EVC2: variants seen among roughly 807,000 people sequenced by gnomAD.
The protein encoded by EVC2 is limbin.
In EVC2, 148 loss-of-function variants were observed where a neutral mutation model predicts 149.3. That is an observed-to-expected ratio of 0.99 (90% CI 0.87 to 1.14). The LOEUF (loss-of-function observed/expected upper bound fraction) is 1.14. Among genes scored for constraint, EVC2 ranks in the 50% most tolerant of loss-of-function variants. The pLI is 0.00. For synonymous variants in EVC2, 776 were observed against 649.9 expected, an observed-to-expected ratio of 1.19 and a Z score of -2.95; for missense variants, 1,854 against 1,627.3, an observed-to-expected ratio of 1.14 and a Z score of -2.40.
chr4:5,603,009 A>G (rs746375459), intron 16 of EVC2, among the ~76,000 whole-genome samples: 4 of 152,190 alleles, frequency 2.6e-5, no homozygotes, highest in African/African-American at 9.7e-5. Context: ...GAAGCCTTGT[A>G]GAATTATTTG....
intron 16 of EVC2, among the ~76,000 whole-genome samples, chr4:5,604,393 C>T (rs1012176092): frequency 6.6e-6 from 1 of 152,168 alleles, no homozygotes; most frequent in African/African-American, 2.4e-5. Context: ...TTTCCACTCA[C>T]ACGTGGATTT....
At chr4:5,705,264 G>C (rs1305814974) in intron 1 of EVC2, among the ~76,000 whole-genome samples, 1 of 152,188 alleles carries the variant, frequency 6.6e-6, no homozygotes, top group Non-Finnish European at 1.5e-5. Context: ...TTCTGAAATA[G>C]ACACTTATCT....
chr4:5,647,673 T>C (rs1324881009), intron 9 of EVC2, among the ~76,000 whole-genome samples: 1 of 152,190 alleles, frequency 6.6e-6, no homozygotes, highest in Non-Finnish European at 1.5e-5. Flanking sequence ...ACAGAATGGA[T>C]TTCACATCTT....
chr4:5,550,800 A>G (rs761532673), intron 21 of EVC2, among the ~76,000 whole-genome samples: 20 of 152,220 alleles, frequency 1.3e-4, no homozygotes, highest in Non-Finnish European at 2.2e-4. Context: ...GGCCTGGCCC[A>G]CGGTCCCCAT....
intron 21 of EVC2, among the ~76,000 whole-genome samples, chr4:5,546,073 G>A (rs1311147791): frequency 6.6e-6 from 1 of 152,178 alleles, no homozygotes; most frequent in Non-Finnish European, 1.5e-5. Flanking sequence ...AACAGGTGCT[G>A]GAGAGGATGT....
Position 5,618,612 on chromosome 4 carries a change from A to T in EVC2, c.2572T>A (p.Cys858Ser), listed in dbSNP as rs746466937. 6.2e-7 allele frequency: 1 copy of T among 1,613,602 alleles called. No homozygotes were observed. Among genetic ancestry groups the T allele is most frequent in the African/African-American group, 1.3e-5 (1 of 74,942 alleles). The change falls in exon 15 of 22, where the codon TGC (cysteine) becomes AGC (serine). Residue 858 changes from cysteine (C) to serine (S), a missense_variant. Transcript: ENST00000344408. The surrounding 1 kb of genome is among the most constrained non-coding windows in gnomAD (Gnocchi z 4.4). ...LLRMRQEVHG[C>S]FAQMDRSLAL... ...AAGCTCCTGTCCATCTGAGCAAAGCAGCCATGGACCTCCTGCCTCATCCTG... is the reference window on the plus strand; with the variant it reads ...AAGCTCCTGTCCATCTGAGCAAAGCTGCCATGGACCTCCTGCCTCATCCTG...
intron 16 of EVC2, among the ~76,000 whole-genome samples, chr4:5,598,518 G>A (rs1713666871): frequency 6.6e-6 from 1 of 152,172 alleles, no homozygotes; most frequent in African/African-American, 2.4e-5. Flanking sequence ...CTAGTCATAT[G>A]GAAAAAGCTG....
chr4:5,583,166 G>T (rs139642817), intron 17 of EVC2, among the ~76,000 whole-genome samples: 1 of 152,310 alleles, frequency 6.6e-6, no homozygotes, highest in African/African-American at 2.4e-5. Context: ...TTTGTAAATG[G>T]ATGTTTTAAT....
intron 16 of EVC2, among the ~76,000 whole-genome samples, chr4:5,598,298 A>G (rs1206623501): frequency 6.6e-6 from 1 of 151,964 alleles, no homozygotes; most frequent in African/African-American, 2.4e-5. Context: ...TGGAGGCATC[A>G]TGCTACCTGA....
intron 6 of EVC2, among the ~76,000 whole-genome samples, chr4:5,683,542 T>C (rs2151726329): frequency 6.6e-6 from 1 of 152,200 alleles, no homozygotes; most frequent in African/African-American, 2.4e-5. Flanking sequence ...GACACAGTTG[T>C]GAATAGGACA....
Position 5,640,026 on chromosome 4 carries a change from T to G in EVC2, c.1470+488A>C, listed in dbSNP as rs10025465. Among the ~76,000 whole-genome samples, 79,486 of 151,800 alleles carry G rather than the reference T, an allele frequency of 0.52. 21,027 individuals carry two copies. Among genetic ancestry groups the G allele is most frequent in the South Asian group, 0.62 (3,003 of 4,810 alleles). ...CTGGATGGATGGATGGGTGGATGAG[T>G]GATAATGGGCAGATGGGTGGACGGG... is the stretch of plus-strand genomic sequence containing the variant. On this transcript the variant is annotated intron_variant, in intron 10 of 21. Coordinates refer to ENST00000344408, the MANE Select transcript of EVC2 (RefSeq NM_147127.5). This position sits in a 1 kb window ranked among gnomAD's most constrained non-coding sequence, Gnocchi z 4.6.
At chr4:5,643,021 G>A (rs911612187) in intron 9 of EVC2, among the ~76,000 whole-genome samples, 2 of 152,202 alleles carry the variant, frequency 1.3e-5, no homozygotes, top group African/African-American at 2.4e-5. Flanking sequence ...CAGACAGACA[G>A]ATGTGTGTAT....
At chr4:5,630,935 C>T (rs751936898) in intron 11 of EVC2, among the ~76,000 whole-genome samples, 5 of 152,186 alleles carry the variant, frequency 3.3e-5, no homozygotes, top group East Asian at 3.9e-4. Flanking sequence ...CCAGTGACAG[C>T]GCTGGAGCCA....
chr4:5,605,092 CTT>C (rs1194434020), intron 16 of EVC2, among the ~76,000 whole-genome samples: 5 of 152,158 alleles, frequency 3.3e-5, no homozygotes, highest in Non-Finnish European at 5.9e-5. Flanking sequence ...CCCTAGCTTA[CTT>C]TCTTACACAT....
Position 5,628,588 on chromosome 4 carries a change from C to A in EVC2, c.1857G>T (p.Gln619His). 6.2e-7 allele frequency: 1 copy of A among 1,614,068 alleles called. No homozygotes were observed. Among genetic ancestry groups the A allele is most frequent in the Non-Finnish European group, 8.5e-7 (1 of 1,180,014 alleles). Residue 619 changes from glutamine (Q) to histidine (H), a missense_variant, in exon 12 of 22, where the codon CAG becomes CAT. Physicochemically the swap from Gln to His is conservative, Grantham distance 24 (BLOSUM62 0). Coordinates refer to ENST00000344408, the MANE Select transcript of EVC2 (RefSeq NM_147127.5). Reference protein sequence around the residue: ...VQGLLSTAAAQLTHLIQKHER... With the variant: ...VQGLLSTAAAHLTHLIQKHER... ...CGTGCTTCTGAATGAGGTGAGTCAG[C>A]TGGGCTGCAGCGGTGCTCAGAAGGC...
At chr4:5,581,676 G>A (rs1338719352) in intron 17 of EVC2, among the ~76,000 whole-genome samples, 3 of 151,894 alleles carry the variant, frequency 2.0e-5, no homozygotes, top group Admixed American at 1.3e-4. Flanking sequence ...GGGAAGCTGA[G>A]TGTAAAAGTG....
Position 5,663,190 on chromosome 4 carries a change from C to T in EVC2, c.1062G>A (p.Val354=), listed in dbSNP as rs756157217. ...GGTCGTTAAGGGAAAGGTCCTCATT[C>T]ACGCCATCAGCTGAGGTGAACGGCA... ...EPLPFTSADG[V]NEDLSLNDQM... is the part of the protein sequence containing the mutation. Residue 354 remains valine, a synonymous_variant, in exon 9 of 22, where the codon GTG becomes GTA. Transcript: ENST00000344408. 2.5e-6 allele frequency: 4 copies of T among 1,614,058 alleles called. No homozygotes were observed. The East Asian group carries it at 8.9e-5, about 36-fold the overall frequency.
chr4:5,668,897 A>G (rs1172638623), intron 7 of EVC2, among the ~76,000 whole-genome samples: 12 of 152,148 alleles, frequency 7.9e-5, no homozygotes, highest in Non-Finnish European at 4.4e-5. Flanking sequence ...TTATTTAGAA[A>G]TTGTCTTTGC....
chr4:5,583,132 CTTTAA>C (rs1383798625), intron 17 of EVC2, among the ~76,000 whole-genome samples: 2 of 152,310 alleles, frequency 1.3e-5, no homozygotes, highest in East Asian at 3.9e-4. Context: ...AGTCACTCCC[CTTTAA>C]TTTGTTAATC....
Sources: gnomAD v4.1 joint callset for allele counts (sites outside exome capture counted in the v4.1 genomes callset) on GRCh38, gnomAD v4.1.1 for gene constraint, Gnocchi (gnomAD v3.1) non-coding constraint, MANE v1.5 for transcripts, NCBI Gene and HGNC (gene_info 2026-07-23, HGNC 2026-07-21) for gene names.